The following COL4A3 variants were observed in gnomAD, a reference collection of about 807,000 sequenced individuals.
COL4A3 encodes collagen alpha-3(IV) chain.
Under a neutral mutation model 217.4 loss-of-function variants are expected in COL4A3, and 135 were observed. That is an observed-to-expected ratio of 0.62 (90% CI 0.54 to 0.72). The LOEUF (loss-of-function observed/expected upper bound fraction) is 0.72, where lower values mean the gene tolerates loss of function less well. Among genes scored for constraint, COL4A3 ranks in the 30% least tolerant of loss-of-function variants. The pLI is 0.00. For synonymous variants in COL4A3, 690 were observed against 736.3 expected, an observed-to-expected ratio of 0.94 and a Z score of 1.02; for missense variants, 1,868 against 2,119.9, an observed-to-expected ratio of 0.88 and a Z score of 2.33.
intron 1 of COL4A3, among the ~76,000 whole-genome samples, chr2:227,204,168 G>C (rs200159747): frequency 7.9e-5 from 12 of 152,044 alleles, no homozygotes; most frequent in Admixed American, 1.3e-4. Flanking sequence ...TTTACTAGCC[G>C]GGTGACTTTA....
At chr2:227,283,394 A>G (rs1163153958) in intron 32 of COL4A3, among the ~76,000 whole-genome samples, 1 of 152,184 alleles carries the variant, frequency 6.6e-6, no homozygotes, top group Non-Finnish European at 1.5e-5. Flanking sequence ...CCCTTCTCAT[A>G]GTAGAGGATC....
chr2:227,219,033 C>T (rs1258554471), intron 1 of COL4A3, among the ~76,000 whole-genome samples: 3 of 151,392 alleles, frequency 2.0e-5, no homozygotes, highest in Non-Finnish European at 2.9e-5. Context: ...CTCGCTCTGT[C>T]CCCCAGGCTG....
chr2:227,211,569 C>T (rs1385498674), intron 1 of COL4A3, among the ~76,000 whole-genome samples: 1 of 152,192 alleles, frequency 6.6e-6, no homozygotes, highest in Non-Finnish European at 1.5e-5. Flanking sequence ...TGCTGGAAAT[C>T]GATTTACAAT....
chr2:227,246,479 C>G (rs138408444), intron 6 of COL4A3, among the ~76,000 whole-genome samples: 1 of 152,294 alleles, frequency 6.6e-6, no homozygotes, highest in East Asian at 1.9e-4. Flanking sequence ...CATTTATGCA[C>G]AATTTGAGAA....
At chr2:227,204,965 G>GA (rs2067045276) in intron 1 of COL4A3, among the ~76,000 whole-genome samples, 1 of 152,200 alleles carries the variant, frequency 6.6e-6, no homozygotes, top group East Asian at 1.9e-4. Context: ...AGCGGTGATG[G>GA]AAAACAGGAT....
At chr2:227,223,679 A>G (rs1227569522) in intron 1 of COL4A3, among the ~76,000 whole-genome samples, 1 of 152,220 alleles carries the variant, frequency 6.6e-6, no homozygotes, top group Non-Finnish European at 1.5e-5. Context: ...GGTTCCAGTG[A>G]GCCGAGATCA....
rs34019152 is a variant in COL4A3 at position 227,267,036 on chromosome 2, G to A, written c.1452G>A (p.Gly484=). 127,636 of 1,612,894 alleles carry A rather than the reference G, an allele frequency of 0.079. 5,796 individuals carry two copies. The highest frequency in any genetic ancestry group is 0.17 in the Admixed American group (10,434 of 59,984). The part of the protein sequence containing the change: ...LLCTQCPYIP[G]PPGLPGLPGL... ...GTACACAGTGCCCTTATATCCCAGG[G>A]CCTCCCGGTCTCCCAGGATTGCCAG... The change falls in exon 23 of 52, where the codon GGG becomes GGA. Residue 484 remains glycine (G), a synonymous_variant. Transcript: ENST00000396578.
At chr2:227,257,572 A>G in intron 17 of COL4A3, 31 bp from the exon 18 acceptor site, 2 of 1,603,510 alleles carry the variant, frequency 1.2e-6, no homozygotes, top group Non-Finnish European at 8.5e-7. Context: ...GGGTGACCAT[A>G]TTCACAATTT....
chr2:227,170,375 G>A (rs536749232), intron 1 of COL4A3, among the ~76,000 whole-genome samples: 6 of 152,008 alleles, frequency 3.9e-5, no homozygotes, highest in Admixed American at 6.6e-5. Context: ...CCCAAGACTC[G>A]ATAATTTATG....
rs745323366 is a variant in COL4A3, at chr2:227,222,160, AATAATG to A, written c.88-15796_88-15791del. ...TAATAATAATAATAATAATAATAAT[AATAATG>A]ATAATGATAATAAAAAGCTCCTTAA... On this transcript the variant is annotated intron_variant, in intron 1 of 51. Transcript: ENST00000396578. 5.5e-3 allele frequency among the ~76,000 whole-genome samples: 469 copies of A among 85,008 alleles called. 5 individuals carry two copies. The highest frequency in any genetic ancestry group is 0.028 in the Middle Eastern group (5 of 180). The allele number at this position is 85,008 out of a possible 152,430, so 55.8% of individuals were successfully genotyped here.
intron 10 of COL4A3, 38 bp downstream of exon 10, chr2:227,251,240 C>T: frequency 6.3e-7 from 1 of 1,593,756 alleles, no homozygotes; most frequent in Middle Eastern, 1.7e-4. Flanking sequence ...ACTCTGTCAA[C>T]TAATAGATTC....
intron 1 of COL4A3, among the ~76,000 whole-genome samples, chr2:227,189,208 G>A (rs994652442): frequency 2.0e-5 from 3 of 152,164 alleles, no homozygotes; most frequent in Admixed American, 6.6e-5. Context: ...GTTTGACCTT[G>A]ATCCTTAGAG....
intron 1 of COL4A3, among the ~76,000 whole-genome samples, chr2:227,166,561 G>T (rs1577008998): frequency 6.6e-6 from 1 of 152,272 alleles, no homozygotes; most frequent in East Asian, 1.9e-4. Flanking sequence ...CAATTCTGTT[G>T]TTACATTCCT....
chr2:227,238,047 CT>C (rs1559854813), intron 2 of COL4A3, 23 bp downstream of exon 2: 1 of 1,444,302 alleles, frequency 6.9e-7, no homozygotes, highest in South Asian at 1.1e-5. Context: ...CCTAATACTG[CT>C]TGTTTACACT....
intron 1 of COL4A3, among the ~76,000 whole-genome samples, chr2:227,220,018 G>T (rs1317439383): frequency 1.3e-5 from 2 of 151,790 alleles, no homozygotes; most frequent in African/African-American, 2.4e-5. Context: ...CATTTTCTTG[G>T]TAGCTTTTCC....
In COL4A3 at chr2:227,254,184, T is replaced by G. The variant is rs1274251603; in HGVS notation, c.828+10T>G. 3.7e-6 allele frequency: 6 copies of G among 1,611,488 alleles called. No individual in the cohort carries two copies. Among genetic ancestry groups the G allele is most frequent in the Non-Finnish European group, 4.2e-6 (5 of 1,177,938 alleles). On this transcript the variant is annotated intron_variant, in intron 14 of 51. Coordinates refer to ENST00000396578, the MANE Select transcript of COL4A3 (RefSeq NM_000091.5). The stretch of plus-strand genomic sequence containing the variant: ...ACCTCCTGGACCCTCAGTAGGTTAT[T>G]TAAAGTTATATTGTCCCCATAACAC...
chr2:227,261,504 G>A (rs1251045286), intron 20 of COL4A3, among the ~76,000 whole-genome samples: 1 of 152,212 alleles, frequency 6.6e-6, no homozygotes, highest in Non-Finnish European at 1.5e-5. Flanking sequence ...TCCAGCCTGG[G>A]CAACAGTGAG....
At position 227,297,767 on chromosome 2, in the gene COL4A3, TAGA is replaced by T. The variant is rs756342074; in HGVS notation, c.3662_3664del (p.Glu1221del). The T allele has an allele frequency of 2.5e-6, 4 of 1,596,034 alleles. No individual in the cohort carries two copies. The highest frequency in any genetic ancestry group is 3.4e-6 in the Non-Finnish European group (4 of 1,171,620). ...GCTGGACCTCGAGGACCCACAGGCA[TAGA>T]AGGATTCCCAGGGCCACCAGGTCTG... On this transcript the variant is annotated inframe_deletion, in exon 42 of 52. Transcript: ENST00000396578.
rs2071188433 is a variant in COL4A3, at chr2:227,270,787, G to A, written c.1593G>A (p.Gln531=). The A allele has an allele frequency of 6.2e-7, 1 of 1,614,108 alleles. No individual in the cohort carries two copies. The highest frequency in any genetic ancestry group is 1.1e-5 in the South Asian group (1 of 91,078). The change falls in exon 25 of 52, where the codon CAG becomes CAA. Residue 531 remains glutamine (Q), a synonymous_variant. Transcript: ENST00000396578. ...TACCCTAGGGTTTCCCAGGTGCCCA[G>A]GGTGACCCAGGACTTAAAGGAGAAA... ...LPGFPGFPGA[Q]GDPGLKGEKG... is the part of the protein sequence containing the mutation.
Sources: allele counts gnomAD v4.1 joint callset (sites outside exome capture counted in the v4.1 genomes callset), GRCh38; gene constraint gnomAD v4.1.1; transcripts MANE v1.5; gene names NCBI Gene and HGNC (gene_info 2026-07-23, HGNC 2026-07-21).